The following CSMD1 variants were observed in gnomAD, a reference collection of about 807,000 sequenced individuals.
CSMD1 encodes CUB and Sushi multiple domains 1.
A neutral mutation model predicts 417.5 loss-of-function variants in CSMD1; 213 were observed. That is an observed-to-expected ratio of 0.51 (90% confidence interval 0.46 to 0.57). CSMD1 has a LOEUF of 0.57. Ranked by LOEUF, CSMD1 falls within the 20% of genes least tolerant of loss-of-function variation. The pLI is 0.00. For synonymous variants in CSMD1, 2,862 were observed against 1,736.8 expected (o/e 1.65, Z -16.11); for missense variants, 6,923 against 4,529.7 (o/e 1.53, Z -15.17).
chr8:4,349,243 G>T (rs911974523), intron 3 of CSMD1, among the ~76,000 whole-genome samples: 2 of 152,070 alleles, frequency 1.3e-5, no homozygotes, highest in South Asian at 2.1e-4. Context: ...ATTGTCTTGT[G>T]GTATTTGGTA....
chr8:3,240,883 G>C (rs1313787465), intron 26 of CSMD1, among the ~76,000 whole-genome samples: 1 of 152,186 alleles, frequency 6.6e-6, no homozygotes, highest in East Asian at 1.9e-4. Context: ...AGAGTTTATA[G>C]GCTTTAAGAG....
At chr8:4,309,598 G>A (rs1361447813) in intron 3 of CSMD1, among the ~76,000 whole-genome samples, 1 of 152,010 alleles carries the variant, frequency 6.6e-6, no homozygotes, top group African/African-American at 2.4e-5. Flanking sequence ...TTCCCTAATA[G>A]CACTCCCATT....
chr8:4,219,859 T>C (rs1563293080), intron 3 of CSMD1, among the ~76,000 whole-genome samples: 2 of 152,206 alleles, frequency 1.3e-5, no homozygotes, highest in East Asian at 1.9e-4. Context: ...GGGGAGTGCA[T>C]AGAAAGACAA....
At chr8:4,619,160 T>C (rs1215799638) in intron 2 of CSMD1, among the ~76,000 whole-genome samples, 2 of 152,152 alleles carry the variant, frequency 1.3e-5, no homozygotes, top group Non-Finnish European at 2.9e-5. Context: ...AAATGAACGT[T>C]TATCACTTAC....
At chr8:3,830,621 T>C (rs1237845528) in intron 5 of CSMD1, among the ~76,000 whole-genome samples, 7 of 152,190 alleles carry the variant, frequency 4.6e-5, no homozygotes, top group African/African-American at 1.4e-4. Context: ...AAAATATTGA[T>C]TTAATGCTCT....
chr8:3,996,758 T>A (rs1815254886), intron 5 of CSMD1, among the ~76,000 whole-genome samples: 1 of 152,160 alleles, frequency 6.6e-6, no homozygotes, highest in South Asian at 2.1e-4. Flanking sequence ...TCCCTCCTAT[T>A]TGAAATAACA....
At chr8:4,447,230 G>C (rs1392888410) in intron 2 of CSMD1, among the ~76,000 whole-genome samples, 1 of 152,174 alleles carries the variant, frequency 6.6e-6, no homozygotes, top group Admixed American at 6.5e-5. Flanking sequence ...CAAAGTTCTT[G>C]CCTGATGGAT....
At chr8:4,868,031 A>G (rs1053620730) in intron 1 of CSMD1, among the ~76,000 whole-genome samples, 2 of 152,078 alleles carry the variant, frequency 1.3e-5, no homozygotes, top group Non-Finnish European at 2.9e-5. Context: ...TGGCTCTTGA[A>G]AAATCACTGC....
intron 3 of CSMD1, among the ~76,000 whole-genome samples, chr8:4,265,683 G>A (rs1324551606): frequency 9.5e-6 from 1 of 104,842 alleles, no homozygotes; most frequent in African/African-American, 2.6e-5. Flanking sequence ...ATCTGGCTCT[G>A]AACAGTATTA....
At position 3,748,763 on chromosome 8, in the gene CSMD1, G is replaced by C. The variant is rs962667814; in HGVS notation, c.931+5167C>G. Among the ~76,000 whole-genome samples, 7 of 152,294 alleles carry C rather than the reference G, an allele frequency of 4.6e-5. No homozygotes were observed. The East Asian group carries it at 1.4e-3, about 29-fold the overall frequency. ...AAAATGCCTTTCTAATAACATGAAAGTCTTCATTTGGTATAAAGGTCTTCA... is the reference window on the plus strand; with the variant it reads ...AAAATGCCTTTCTAATAACATGAAACTCTTCATTTGGTATAAAGGTCTTCA... On this transcript the variant is annotated intron_variant, in intron 6 of 69. Coordinates refer to ENST00000635120, the MANE Select transcript of CSMD1 (RefSeq NM_033225.6).
Position 4,924,447 on chromosome 8 carries a change from G to T in CSMD1, c.85+69885C>A, listed in dbSNP as rs190468149. Reference sequence around the variant, plus strand: ...ACATAAGTATAAAACCTACAGCCAGGCACGGTGGCTCACGCCTGTAATCTC... The same window carrying T: ...ACATAAGTATAAAACCTACAGCCAGTCACGGTGGCTCACGCCTGTAATCTC... On this transcript the variant is annotated intron_variant, in intron 1 of 69. Transcript: ENST00000635120. 7.2e-5 allele frequency among the ~76,000 whole-genome samples: 11 copies of T among 152,124 alleles called. No individual in the cohort carries two copies. In the East Asian group the frequency reaches 1.4e-3, roughly 19 times the overall value.
chr8:4,493,286 T>C (rs1018651336), intron 2 of CSMD1, among the ~76,000 whole-genome samples: 4 of 152,140 alleles, frequency 2.6e-5, no homozygotes, highest in African/African-American at 9.7e-5. Flanking sequence ...AAAGTTAATT[T>C]TAAAATCCTA....
intron 1 of CSMD1, among the ~76,000 whole-genome samples, chr8:4,814,430 A>G (rs1799087592): frequency 6.6e-6 from 1 of 152,186 alleles, no homozygotes; most frequent in Non-Finnish European, 1.5e-5. Flanking sequence ...TATTTTTAGT[A>G]GAAACACGGT....
chr8:4,775,178 T>G (rs908735328), intron 1 of CSMD1, among the ~76,000 whole-genome samples: 40 of 152,200 alleles, frequency 2.6e-4, no homozygotes, highest in African/African-American at 9.4e-4. Flanking sequence ...ATTCTCAACA[T>G]CAACTAGAAT....
intron 3 of CSMD1, among the ~76,000 whole-genome samples, chr8:4,142,173 C>G (rs1468576953): frequency 6.6e-6 from 1 of 151,158 alleles, no homozygotes; most frequent in African/African-American, 2.5e-5. Context: ...TGAATACCAT[C>G]ATGACTCAAG....
chr8:3,664,805 C>G (rs1256592873), intron 7 of CSMD1, among the ~76,000 whole-genome samples: 1 of 152,154 alleles, frequency 6.6e-6, no homozygotes, highest in Non-Finnish European at 1.5e-5. Flanking sequence ...ACAAAGCTAT[C>G]AAGAGAGTCA....
intron 1 of CSMD1, among the ~76,000 whole-genome samples, chr8:4,850,439 T>C (rs1801403418): frequency 6.6e-6 from 1 of 151,196 alleles, no homozygotes; most frequent in Non-Finnish European, 1.5e-5. Flanking sequence ...TCTTTACTCT[T>C]TTTTCATTGA....
intron 6 of CSMD1, among the ~76,000 whole-genome samples, chr8:3,742,581 C>G (rs1327910871): frequency 6.6e-6 from 1 of 152,092 alleles, no homozygotes; most frequent in Non-Finnish European, 1.5e-5. Context: ...TTGCCTCTGC[C>G]CCGGGCCAGT....
intron 1 of CSMD1, among the ~76,000 whole-genome samples, chr8:4,732,239 C>G (rs1213456304): frequency 1.3e-5 from 2 of 152,080 alleles, no homozygotes; most frequent in African/African-American, 4.8e-5. Context: ...TCTTTCTACT[C>G]TAACAAACTG....
Sources: allele counts gnomAD v4.1 joint callset (sites outside exome capture counted in the v4.1 genomes callset), GRCh38; gene constraint gnomAD v4.1.1; transcripts MANE v1.5; gene names NCBI Gene and HGNC (gene_info 2026-07-23, HGNC 2026-07-21).